Variants in MAF observed in about 807,000 individuals in gnomAD.
MAF encodes the protein MAF bZIP transcription factor.
A neutral mutation model predicts 22.0 loss-of-function variants in MAF; 10 were observed. That is an observed-to-expected ratio of 0.45 (90% CI 0.28 to 0.77). MAF has a LOEUF of 0.77. Ranked by LOEUF, MAF falls within the 30% of genes least tolerant of loss-of-function variation. The pLI, the probability that MAF is intolerant of heterozygous loss-of-function variation, is 0.12. For synonymous variants in MAF, 337 were observed against 255.8 expected (o/e 1.32, Z -3.03); for missense variants, 544 against 548.4 (o/e 0.99, Z 0.08).
chr16:79,361,817 A>C, the MAF span, among the ~76,000 whole-genome samples: 1 of 152,210 alleles, frequency 6.6e-6, no homozygotes, highest in Non-Finnish European at 1.5e-5. Context: ...AATCGAGAAA[A>C]AGTCAGATAA....
the MAF span, among the ~76,000 whole-genome samples, chr16:79,341,475 A>G: frequency 6.6e-6 from 1 of 152,102 alleles, no homozygotes. Flanking sequence ...TTCTCAACTC[A>G]CACCTCTTTG....
At chr16:79,448,799 A>G in the MAF span, among the ~76,000 whole-genome samples, 6 of 151,962 alleles carry the variant, frequency 3.9e-5, no homozygotes, top group African/African-American at 1.2e-4. Flanking sequence ...TTTATACTAC[A>G]GTATAGTATA....
At chr16:79,586,609 G>A (rs981798224) in intron 1 of MAF, among the ~76,000 whole-genome samples, 2 of 152,200 alleles carry the variant, frequency 1.3e-5, no homozygotes, top group Admixed American at 1.3e-4. Flanking sequence ...GCTTCACAGT[G>A]AATAACAAAG....
the MAF span, among the ~76,000 whole-genome samples, chr16:79,570,765 A>T: frequency 1.5e-3 from 224 of 152,316 alleles, no homozygotes; most frequent in African/African-American, 5.2e-3. Context: ...GAGAAGATAC[A>T]ATACAACTGG....
the MAF span, chr16:79,204,685 A>G: frequency 1.3e-5 from 2 of 152,242 alleles, no homozygotes; most frequent in Non-Finnish European, 2.9e-5. Context: ...CTGCCCTTCA[A>G]TCCTGCTGAT....
chr16:79,396,465 G>T, the MAF span, among the ~76,000 whole-genome samples: 1 of 152,186 alleles, frequency 6.6e-6, no homozygotes, highest in Non-Finnish European at 1.5e-5. Context: ...TCCCCAAGAT[G>T]CAATGCACTC....
the MAF span, among the ~76,000 whole-genome samples, chr16:79,351,075 G>A: frequency 1.3e-5 from 2 of 152,232 alleles, no homozygotes; most frequent in South Asian, 4.1e-4. Flanking sequence ...CTCTCCATCA[G>A]CTGTCATACA....
the MAF span, among the ~76,000 whole-genome samples, chr16:79,499,461 G>T: frequency 1.3e-5 from 2 of 152,184 alleles, no homozygotes; most frequent in Admixed American, 6.5e-5. Context: ...CTTCCTGCTA[G>T]GATCTGAATG....
At chr16:79,374,037 G>T in the MAF span, among the ~76,000 whole-genome samples, 2 of 152,012 alleles carry the variant, frequency 1.3e-5, no homozygotes, top group Non-Finnish European at 2.9e-5. Flanking sequence ...AACCTCATTG[G>T]TTTGGCCCAA....
chr16:79,344,642 T>G, the MAF span, among the ~76,000 whole-genome samples: 1 of 152,208 alleles, frequency 6.6e-6, no homozygotes. Context: ...ATGACTCTTA[T>G]CATTGCAAAG....
chr16:79,358,756 T>G, the MAF span, among the ~76,000 whole-genome samples: 2 of 152,196 alleles, frequency 1.3e-5, no homozygotes, highest in African/African-American at 4.8e-5. Context: ...ATGAAACAAG[T>G]ATGCCTCTCC....
the MAF span, chr16:79,204,957 C>A: frequency 0.11 from 16,900 of 152,198 alleles, 1,044 homozygotes; most frequent in Middle Eastern, 0.18. Flanking sequence ...CTTCTTAGTG[C>A]TCTTGCAAGA....
chr16:79,267,914 G>T, the MAF span, among the ~76,000 whole-genome samples: 1 of 151,912 alleles, frequency 6.6e-6, no homozygotes, highest in Non-Finnish European at 1.5e-5. Context: ...CACCTGGCCC[G>T]TTCTCAGGTG....
At chr16:79,213,633 GC>G in the MAF span, among the ~76,000 whole-genome samples, 1 of 152,124 alleles carries the variant, frequency 6.6e-6, no homozygotes, top group Non-Finnish European at 1.5e-5. Context: ...CGGCTCCTGG[GC>G]TAGCCTGCTG....
chr16:79,232,292 T>C, the MAF span, among the ~76,000 whole-genome samples: 1 of 152,048 alleles, frequency 6.6e-6, no homozygotes. Context: ...AATGTGAATT[T>C]GGGGAGATAT....
At chr16:79,350,225 G>C in the MAF span, among the ~76,000 whole-genome samples, 2 of 152,166 alleles carry the variant, frequency 1.3e-5, no homozygotes, top group African/African-American at 4.8e-5. Context: ...AGCTATGCTT[G>C]TTGGTGAAAT....
At chr16:79,297,579 T>A in the MAF span, among the ~76,000 whole-genome samples, 1 of 152,190 alleles carries the variant, frequency 6.6e-6, no homozygotes, top group East Asian at 1.9e-4. Context: ...ATGGAGAAGA[T>A]CAGGACTCTC....
At chr16:79,536,920 G>A in the MAF span, among the ~76,000 whole-genome samples, 27 of 152,168 alleles carry the variant, frequency 1.8e-4, no homozygotes, top group Non-Finnish European at 1.2e-4. Flanking sequence ...GGGGGTCCAG[G>A]AACCAATTAC....
chr16:79,578,802 G>C, the MAF span, among the ~76,000 whole-genome samples: 1 of 151,988 alleles, frequency 6.6e-6, no homozygotes, highest in Non-Finnish European at 1.5e-5. Flanking sequence ...TATTTCAGGC[G>C]ACCAGCAGCA....
Sources: allele counts gnomAD v4.1 joint callset (sites outside exome capture counted in the v4.1 genomes callset), GRCh38; gene constraint gnomAD v4.1.1; transcripts MANE v1.5; gene names NCBI Gene and HGNC (gene_info 2026-07-23, HGNC 2026-07-21).